Variants in ECT2 observed in about 807,000 individuals in gnomAD.
ECT2 encodes the protein epithelial cell transforming 2.
A neutral mutation model predicts 116.9 loss-of-function variants in ECT2; 61 were observed. The observed-to-expected ratio is 0.52, with a 90% CI of 0.42 to 0.65. ECT2 has a LOEUF of 0.65. Ranked by LOEUF, ECT2 falls within the 30% of genes least tolerant of loss-of-function variation. The pLI, the probability that ECT2 is intolerant of heterozygous loss-of-function variation, is 0.00. For synonymous variants in ECT2, 358 were observed against 346.4 expected (o/e 1.03, Z -0.37); for missense variants, 937 against 1,078.7 (o/e 0.87, Z 1.84).
At position 172,755,313 on chromosome 3, in the gene ECT2, A is replaced by G; in HGVS notation, c.149A>G (p.Glu50Gly). Reference protein sequence around the residue: ...SYVEEEMPQIETRVILVQEAG... With the variant: ...SYVEEEMPQIGTRVILVQEAG... ...TTAACAGAAGAGATGCCTCAGATTG[A>G]AACAAGAGTGATATTGGTTCAAGAA... is the stretch of plus-strand genomic sequence containing the variant. Residue 50 changes from glutamate (E) to glycine (G), a missense_variant, in exon 3 of 25, where the codon GAA (glutamate) becomes GGA (glycine). By Grantham distance (98) the Glu-to-Gly change is moderately conservative. Coordinates refer to ENST00000392692, the MANE Select transcript of ECT2 (RefSeq NM_001258315.2). 6.2e-7 allele frequency: 1 copy of G among 1,605,222 alleles called. No individual in the cohort carries two copies. The highest frequency in any genetic ancestry group is 2.2e-5 in the East Asian group (1 of 44,714).
At chr3:172,787,223 A>T (rs1037505886) in intron 18 of ECT2, among the ~76,000 whole-genome samples, 1 of 152,182 alleles carries the variant, frequency 6.6e-6, no homozygotes, top group Non-Finnish European at 1.5e-5. Flanking sequence ...GACTGTATAT[A>T]TCAGTATATT....
intron 18 of ECT2, among the ~76,000 whole-genome samples, chr3:172,791,604 T>C (rs1724685230): frequency 6.6e-6 from 1 of 152,252 alleles, no homozygotes; most frequent in Admixed American, 6.5e-5. Flanking sequence ...CTTCAGACTT[T>C]TCTTCTGCAG....
At chr3:172,760,932 G>A (rs1718163306) in intron 7 of ECT2, among the ~76,000 whole-genome samples, 1 of 151,824 alleles carries the variant, frequency 6.6e-6, no homozygotes, top group African/African-American at 2.4e-5. Flanking sequence ...TATTGGCCAG[G>A]GTGGTCTCAA....
intron 19 of ECT2, 38 bp downstream of exon 19, chr3:172,802,732 T>G: frequency 6.5e-7 from 1 of 1,531,062 alleles, no homozygotes. Flanking sequence ...ATTTATTTTC[T>G]TCTTGTTAAT....
At chr3:172,818,567 C>T (rs1192915959) in intron 24 of ECT2, 4 of 1,281,038 alleles carry the variant, frequency 3.1e-6, no homozygotes, top group African/African-American at 3.1e-5. Context: ...TCTGTTTCCA[C>T]AAGCAATGTA....
At chr3:172,822,095 T>G (rs113132806), downstream of ECT2, among the ~76,000 whole-genome samples, 2 of 152,006 alleles carry the variant, frequency 1.3e-5, no homozygotes, top group African/African-American at 4.8e-5. Context: ...TTAGTTTCTT[T>G]AAGGCATTTA....
chr3:172,828,983 C>A, the ECT2 span: 2 of 1,181,170 alleles, frequency 1.7e-6, no homozygotes, highest in South Asian at 2.5e-5. Flanking sequence ...GTTGCTGTGT[C>A]AATGTCCCAG....
chr3:172,751,532 A>G (rs1368647892), intron 1 of ECT2, among the ~76,000 whole-genome samples: 2 of 151,884 alleles, frequency 1.3e-5, no homozygotes, highest in Non-Finnish European at 2.9e-5. Context: ...GTTTAGGACA[A>G]TGTCTGCCAC....
At chr3:172,801,262 A>T (rs1726666886) in intron 18 of ECT2, among the ~76,000 whole-genome samples, 1 of 152,176 alleles carries the variant, frequency 6.6e-6, no homozygotes, top group African/African-American at 2.4e-5. Flanking sequence ...CCTGGCATGC[A>T]GTTAAGTAGC....
At chr3:172,802,000 G>C (rs901512557) in intron 18 of ECT2, among the ~76,000 whole-genome samples, 32 of 152,110 alleles carry the variant, frequency 2.1e-4, no homozygotes, top group African/African-American at 7.5e-4. Context: ...ATTTTGTACA[G>C]GTTTAGTGTA....
chr3:172,801,947 T>C (rs1726795766), intron 18 of ECT2, among the ~76,000 whole-genome samples: 1 of 152,200 alleles, frequency 6.6e-6, no homozygotes, highest in South Asian at 2.1e-4. Context: ...CATAAAACCT[T>C]ATTTGAACTT....
At chr3:172,827,205 G>A in the ECT2 span, among the ~76,000 whole-genome samples, 1 of 152,136 alleles carries the variant, frequency 6.6e-6, no homozygotes, top group African/African-American at 2.4e-5. Flanking sequence ...TACAACCACT[G>A]GAGAACAGTA....
intron 5 of ECT2, among the ~76,000 whole-genome samples, chr3:172,758,629 G>A (rs7646507): frequency 0.89 from 134,859 of 152,176 alleles, 60,275 homozygotes; most frequent in Non-Finnish European, 0.95. Flanking sequence ...CTGTTTTAAT[G>A]ACATTAATTA....
intron 14 of ECT2, among the ~76,000 whole-genome samples, chr3:172,775,042 A>G (rs920295831): frequency 6.6e-6 from 1 of 152,224 alleles, no homozygotes; most frequent in Non-Finnish European, 1.5e-5. Context: ...TGCCAAAAGT[A>G]TGTGAGACAA....
chr3:172,779,385 T>C (rs1722301413), intron 14 of ECT2, among the ~76,000 whole-genome samples: 3 of 152,244 alleles, frequency 2.0e-5, no homozygotes, highest in African/African-American at 7.2e-5. Flanking sequence ...TTTACTTTTA[T>C]GCTATTGAAA....
At chr3:172,814,188 A>G (rs1241893312) in intron 22 of ECT2, among the ~76,000 whole-genome samples, 1 of 152,042 alleles carries the variant, frequency 6.6e-6, no homozygotes, top group Non-Finnish European at 1.5e-5. Flanking sequence ...AAGCTTTAGA[A>G]TAACAAAAGC....
chr3:172,828,227 A>G, the ECT2 span, among the ~76,000 whole-genome samples: 1 of 152,224 alleles, frequency 6.6e-6, no homozygotes, highest in Non-Finnish European at 1.5e-5. Flanking sequence ...TAATTAAAGA[A>G]GACCTTAATT....
intron 22 of ECT2, among the ~76,000 whole-genome samples, chr3:172,808,896 T>TTG (rs1010222045): frequency 3.9e-5 from 6 of 151,974 alleles, no homozygotes; most frequent in Non-Finnish European, 7.4e-5. Flanking sequence ...GACTTTTTGT[T>TTG]TGTGTGTGTG....
At chr3:172,772,849 C>T (rs1157826472) in intron 13 of ECT2, among the ~76,000 whole-genome samples, 1 of 152,068 alleles carries the variant, frequency 6.6e-6, no homozygotes, top group African/African-American at 2.4e-5. Flanking sequence ...TATTGTAATA[C>T]CGTTTGTTGA....
Sources: allele counts gnomAD v4.1 joint callset (sites outside exome capture counted in the v4.1 genomes callset), GRCh38; gene constraint gnomAD v4.1.1; transcripts MANE v1.5; gene names NCBI Gene and HGNC (gene_info 2026-07-23, HGNC 2026-07-21).